The following MTCH1 variants were observed in gnomAD, a reference collection of about 807,000 sequenced individuals.
MTCH1 encodes mitochondrial carrier homolog 1.
Under a neutral mutation model 49.3 loss-of-function variants are expected in MTCH1, and 23 were observed. The ratio of observed to expected loss-of-function variants is 0.47; its 90% CI spans 0.34 to 0.66. The LOEUF (loss-of-function observed/expected upper bound fraction) is 0.66, where lower values mean the gene tolerates loss of function less well. Among genes scored for constraint, MTCH1 ranks in the 30% least tolerant of loss-of-function variants. MTCH1 has a pLI of 0.01. For missense variants in MTCH1, 397 were observed against 532.1 expected (o/e 0.75, Z 2.50); for synonymous variants, 229 against 215.2 (o/e 1.06, Z -0.56).
At chr6:36,976,403 G>T in intron 6 of MTCH1, 1 of 388,428 alleles carries the variant, frequency 2.6e-6, no homozygotes. Context: ...GCCCTGGGTA[G>T]CCCCGGTCCC....
intron 8 of MTCH1, among the ~76,000 whole-genome samples, chr6:36,971,278 T>C (rs954387247): frequency 2.0e-5 from 3 of 152,182 alleles, no homozygotes; most frequent in Admixed American, 2.0e-4. Context: ...TCTGCTTGAG[T>C]GGCTTTGACA....
intron 2 of MTCH1, 29 bp downstream of exon 2, chr6:36,981,559 G>A (rs1420175836): frequency 1.2e-6 from 2 of 1,609,206 alleles, no homozygotes; most frequent in African/African-American, 1.3e-5. Flanking sequence ...CTGTTGGTGT[G>A]GGCTTTCCTG....
At chr6:36,969,268 C>A in intron 11 of MTCH1, 1 of 985,438 alleles carries the variant, frequency 1.0e-6, no homozygotes, top group Non-Finnish European at 1.2e-6. Flanking sequence ...TCTTTCAGTG[C>A]TCATAGGGAG....
At chr6:36,973,582 T>G (rs1328804098) in intron 7 of MTCH1, among the ~76,000 whole-genome samples, 1 of 152,260 alleles carries the variant, frequency 6.6e-6, no homozygotes, top group Non-Finnish European at 1.5e-5. Context: ...ATGCAATTTC[T>G]AATCTTGTCG....
intron 11 of MTCH1, chr6:36,969,751 G>A (rs887565716): frequency 4.6e-6 from 6 of 1,297,090 alleles, no homozygotes; most frequent in African/African-American, 4.5e-5. Flanking sequence ...CCTGCCACCT[G>A]GGCCAGAGTT....
intron 2 of MTCH1, among the ~76,000 whole-genome samples, chr6:36,979,355 G>A (rs556817139): frequency 1.2e-4 from 18 of 152,296 alleles, no homozygotes; most frequent in African/African-American, 3.8e-4. Flanking sequence ...CTAAGGATAC[G>A]ATTCATTGTT....
chr6:36,980,996 G>C (rs1049492278), intron 2 of MTCH1, among the ~76,000 whole-genome samples: 2 of 152,196 alleles, frequency 1.3e-5, no homozygotes, highest in Admixed American at 6.5e-5. Context: ...TGCAGACAAG[G>C]GGTGCAGCCA....
intron 8 of MTCH1, 140 bp from the exon 9 acceptor site, chr6:36,970,834 C>T: frequency 1.0e-6 from 1 of 976,570 alleles, no homozygotes; most frequent in South Asian, 1.4e-5. Flanking sequence ...CCCTCACAGT[C>T]ACTGCCCAGA....
chr6:36,980,910 A>G (rs1764061923), intron 2 of MTCH1, among the ~76,000 whole-genome samples: 1 of 152,204 alleles, frequency 6.6e-6, no homozygotes, highest in Non-Finnish European at 1.5e-5. Context: ...TGGGCAGCAG[A>G]GGCAGCAAGG....
Position 36,981,555 on chromosome 6 carries a change from G to A in MTCH1, c.406+33C>T, listed in dbSNP as rs767635088. The stretch of plus-strand genomic sequence containing the variant: ...CCCACCTGAGGCCTCTTTTCTGTTG[G>A]TGTGGGCTTTCCTGCTTGGGAGGCA... On this transcript the variant is annotated intron_variant, in intron 2 of 11. Transcript: ENST00000373627. 8 of 1,606,218 alleles carry A rather than the reference G, an allele frequency of 5.0e-6. No homozygotes were observed. In the African/African-American group the frequency reaches 5.4e-5, roughly 11 times the overall value.
In MTCH1 at chr6:36,977,134, C is replaced by A; in HGVS notation, c.701+65G>T. ...AAAGGTGCAGCAACCAATCCCAGCA[C>A]GGCCTGCCCTGGCCGACTCTGAAAG... On this transcript the variant is annotated intron_variant, in intron 6 of 11. Coordinates refer to ENST00000373627, the MANE Select transcript of MTCH1 (RefSeq NM_001271641.2). This position sits in a 1 kb window ranked among gnomAD's most constrained non-coding sequence, Gnocchi z 5.4. 1 of 1,546,522 alleles carries A rather than the reference C, an allele frequency of 6.5e-7. No homozygotes were observed. The highest frequency in any genetic ancestry group is 8.9e-7 in the Non-Finnish European group (1 of 1,121,782).
In MTCH1 at chr6:36,981,699, C is replaced by T. The variant is rs765739311; in HGVS notation, c.322-27G>A. On this transcript the variant is annotated intron_variant, in intron 1 of 11. Coordinates refer to ENST00000373627, the MANE Select transcript of MTCH1 (RefSeq NM_001271641.2). ...TTCAGAATTAACAAAGACAAAGGGA[C>T]GCTCAGAGTCTCGTGGTGATTCAGC... The T allele has an allele frequency of 6.4e-5, 102 of 1,595,968 alleles. 2 individuals are homozygous for T. The South Asian group carries it at 8.0e-4, about 12-fold the overall frequency.
In MTCH1 at chr6:36,986,038, C is replaced by T. The variant is rs1294346955; in HGVS notation, c.136G>A (p.Ala46Thr). The T allele has an allele frequency of 1.6e-5, 24 of 1,493,678 alleles. No individual in the cohort carries two copies. The highest frequency in any genetic ancestry group is 2.9e-5 in the African/African-American group (2 of 68,632). The allele number at this position is 1,493,678 out of a possible 1,614,324, so 92.5% of individuals were successfully genotyped here. Reference sequence around the variant, plus strand: ...GGGTGGCGAGGATGTGCGCGGTGCGCGGGCGGTGGATCGCGAGCTCGAGCC... The same window carrying T: ...GGGTGGCGAGGATGTGCGCGGTGCGTGGGCGGTGGATCGCGAGCTCGAGCC... ...VEARARDPPP[A>T]HRAHPRHPRP... Residue 46 changes from alanine (A) to threonine (T), a missense_variant, in exon 1 of 12, where the codon GCG (alanine) becomes ACG (threonine). Physicochemically the swap from Ala to Thr is moderately conservative, Grantham distance 58 (BLOSUM62 0). Around this residue, in one of 2 missense-constraint regions of MTCH1, gnomAD observed 145 missense variants for 143.8 expected, o/e 1.01. Transcript: ENST00000373627.
At chr6:36,973,312 T>C (rs1011538161) in intron 7 of MTCH1, among the ~76,000 whole-genome samples, 2 of 152,188 alleles carry the variant, frequency 1.3e-5, no homozygotes, top group Non-Finnish European at 2.9e-5. Context: ...CTAAGGAAGG[T>C]TCCCCAAGAT....
At position 36,972,575 on chromosome 6, in the gene MTCH1, C is replaced by A; in HGVS notation, c.906+77G>T. On this transcript the variant is annotated intron_variant, in intron 8 of 11. Transcript: ENST00000373627. This position sits in a 1 kb window ranked among gnomAD's most constrained non-coding sequence, Gnocchi z 4.1. The stretch of plus-strand genomic sequence containing the variant: ...CCTCCCGGCCTGATGCTGAGAATCC[C>A]AGAATCCTTGAGTTTGTCCCAGACC... 6.8e-7 allele frequency: 1 copy of A among 1,477,464 alleles called. No individual in the cohort carries two copies. The highest frequency in any genetic ancestry group is 2.2e-5 in the Admixed American group (1 of 46,458). The allele number at this position is 1,477,464 out of a possible 1,614,324, so 91.5% of individuals were successfully genotyped here. A position where few individuals can be genotyped will look rare whatever the true frequency, so the allele number is the denominator to read the frequency against.
intron 2 of MTCH1, among the ~76,000 whole-genome samples, chr6:36,979,387 G>A (rs891642770): frequency 1.8e-4 from 28 of 152,290 alleles, no homozygotes; most frequent in African/African-American, 6.7e-4. Flanking sequence ...TTTTAAACAT[G>A]TTTTAAATGG....
At chr6:36,986,386 C>G (rs1764323043), upstream of MTCH1, 1 of 388,058 alleles carries the variant, frequency 2.6e-6, no homozygotes, top group South Asian at 1.1e-4. Context: ...GGCGGGCAGC[C>G]GGGGCCCCGG....
At chr6:36,978,387 G>T in intron 3 of MTCH1, 118 bp downstream of exon 3, 2 of 1,070,770 alleles carry the variant, frequency 1.9e-6, no homozygotes, top group Non-Finnish European at 2.8e-6. Flanking sequence ...TGGGGCTGGA[G>T]TGAAGCCCCC....
In MTCH1 at chr6:36,968,620, C is replaced by G; in HGVS notation, c.*283G>C. The G allele has an allele frequency of 2.0e-6, 1 of 492,270 alleles. No homozygotes were observed. 30.5% of individuals were successfully genotyped at this position (492,270 alleles called of 1,614,324 possible). ...CCATAAGCCATTCTCTGGCCCTCTGCACAAGACAGACTCAGCAAATCTGCG... is the reference window on the plus strand; with the variant it reads ...CCATAAGCCATTCTCTGGCCCTCTGGACAAGACAGACTCAGCAAATCTGCG... On this transcript the variant is annotated 3_prime_UTR_variant, in exon 12 of 12. Coordinates refer to ENST00000373627, the MANE Select transcript of MTCH1 (RefSeq NM_001271641.2).
Sources: gnomAD v4.1 joint callset for allele counts (sites outside exome capture counted in the v4.1 genomes callset) on GRCh38, gnomAD v4.1.1 for gene constraint, gnomAD v4.1.1 regional missense constraint, Gnocchi (gnomAD v3.1) non-coding constraint, MANE v1.5 for transcripts, NCBI Gene and HGNC (gene_info 2026-07-23, HGNC 2026-07-21) for gene names.